The following NSD3 variants were observed in gnomAD, a reference collection of about 807,000 sequenced individuals.
The protein encoded by NSD3 is nuclear receptor binding SET domain protein 3, also known as histone-lysine N-methyltransferase NSD3.
Under a neutral mutation model 160.8 loss-of-function variants are expected in NSD3, and 24 were observed. The observed-to-expected ratio is 0.15, with a 90% CI of 0.11 to 0.21. The LOEUF (loss-of-function observed/expected upper bound fraction) is 0.21. NSD3 is among the 10% of genes least tolerant of loss of function. NSD3 has a pLI of 1.00. For synonymous variants in NSD3, 520 were observed against 600.0 expected, an observed-to-expected ratio of 0.87 and a Z score of 1.95; for missense variants, 1,157 against 1,735.9, an observed-to-expected ratio of 0.67 and a Z score of 5.93.
intron 2 of NSD3, among the ~76,000 whole-genome samples, chr8:38,342,203 G>A (rs2150380997): frequency 6.6e-6 from 1 of 152,318 alleles, no homozygotes; most frequent in East Asian, 1.9e-4. Context: ...AAGAATTCAA[G>A]TAAGGATGCT....
At chr8:38,357,591 A>T (rs974930887) in intron 1 of NSD3, among the ~76,000 whole-genome samples, 1 of 152,152 alleles carries the variant, frequency 6.6e-6, no homozygotes, top group African/African-American at 2.4e-5. Flanking sequence ...GTAGTCACTT[A>T]AGCTCTAAGT....
chr8:38,304,224 T>C (rs576969538), intron 14 of NSD3, among the ~76,000 whole-genome samples: 2 of 152,352 alleles, frequency 1.3e-5, no homozygotes, highest in South Asian at 4.1e-4. Flanking sequence ...AGTTCTGGTT[T>C]AAGATTATGA....
intron 12 of NSD3, among the ~76,000 whole-genome samples, chr8:38,312,062 G>A (rs1809547329): frequency 6.6e-6 from 1 of 152,038 alleles, no homozygotes; most frequent in Non-Finnish European, 1.5e-5. Context: ...TTTTTCCACT[G>A]ACTAGTCTTC....
chr8:38,286,096 T>C (rs1447048034), intron 19 of NSD3, among the ~76,000 whole-genome samples: 1 of 152,114 alleles, frequency 6.6e-6, no homozygotes, highest in African/African-American at 2.4e-5. Context: ...GGACCTGTGA[T>C]TAGCTTCTAA....
At position 38,316,547 on chromosome 8, in the gene NSD3, T is replaced by C; in HGVS notation, c.1856-505A>G. ...CCAAATTTTGCAATTCAGTTGATTA[T>C]TGCCCCCCAATAAAATTTGGATGTT... On this transcript the variant is annotated intron_variant, in intron 9 of 23. Coordinates refer to ENST00000317025, the MANE Select transcript of NSD3 (RefSeq NM_023034.2). This position sits in a 1 kb window ranked among gnomAD's most constrained non-coding sequence, Gnocchi z 4.5. The C allele has an allele frequency of 9.5e-7, 1 of 1,049,236 alleles. No homozygotes were observed. The highest frequency in any genetic ancestry group is 1.2e-6 in the Non-Finnish European group (1 of 869,058). 65.0% of individuals were successfully genotyped at this position (1,049,236 alleles called of 1,614,324 possible). A position where few individuals can be genotyped will look rare whatever the true frequency, so the allele number is the denominator to read the frequency against.
intron 15 of NSD3, 73 bp downstream of exon 15, chr8:38,299,371 T>G (rs1205782737): frequency 6.7e-7 from 1 of 1,498,424 alleles, no homozygotes. Context: ...GGCATACATT[T>G]CCCCCCTATA....
chr8:38,371,247 TTTAA>T (rs1811237752), intron 1 of NSD3, among the ~76,000 whole-genome samples: 1 of 152,134 alleles, frequency 6.6e-6, no homozygotes, highest in Non-Finnish European at 1.5e-5. Context: ...TTTAGATAAT[TTTAA>T]TTGTCTTTAT....
At chr8:38,326,110 T>C (rs1809905646) in intron 7 of NSD3, among the ~76,000 whole-genome samples, 2 of 151,266 alleles carry the variant, frequency 1.3e-5, no homozygotes, top group South Asian at 4.2e-4. Flanking sequence ...ATTGAGCCAC[T>C]GCACTCCAGC....
intron 5 of NSD3, among the ~76,000 whole-genome samples, chr8:38,330,955 G>T (rs1400687918): frequency 6.6e-6 from 1 of 152,076 alleles, no homozygotes; most frequent in East Asian, 1.9e-4. Context: ...CATACAGGTT[G>T]TTATGAATAA....
intron 20 of NSD3, among the ~76,000 whole-genome samples, chr8:38,280,875 C>T (rs563802414): frequency 1.3e-5 from 2 of 151,946 alleles, no homozygotes; most frequent in African/African-American, 4.8e-5. Context: ...GCCTCGGCCT[C>T]CTGAGGAGCT....
intron 1 of NSD3, among the ~76,000 whole-genome samples, chr8:38,377,185 C>T (rs1189976145): frequency 3.3e-5 from 5 of 151,940 alleles, no homozygotes; most frequent in Non-Finnish European, 7.4e-5. Context: ...CCGGAGTAGC[C>T]GGGATTACAG....
At chr8:38,306,710 G>A (rs545998321) in intron 12 of NSD3, among the ~76,000 whole-genome samples, 93 of 152,194 alleles carry the variant, frequency 6.1e-4, no homozygotes, top group African/African-American at 2.1e-3. Context: ...TGTAAAAGTG[G>A]GCAGAGGATG....
intron 2 of NSD3, among the ~76,000 whole-genome samples, chr8:38,339,246 A>C (rs766971375): frequency 1.3e-5 from 2 of 152,220 alleles, no homozygotes; most frequent in Non-Finnish European, 2.9e-5. Flanking sequence ...ATTACTAGTA[A>C]GATGTAACTT....
At chr8:38,336,796 A>G (rs1480320991) in intron 4 of NSD3, among the ~76,000 whole-genome samples, 2 of 152,218 alleles carry the variant, frequency 1.3e-5, no homozygotes, top group African/African-American at 2.4e-5. Flanking sequence ...TGCATTAGCC[A>G]TAGAAGCACT....
In NSD3 at chr8:38,270,232, G is replaced by GTGAT. The variant is rs1210613824; in HGVS notation, c.*5405_*5408dup. On this transcript the variant is annotated 3_prime_UTR_variant, in exon 24 of 24. Transcript: ENST00000317025. ...TTGTTATTAAAGACTCAAGTCTCAA[G>GTGAT]TGATTTAGGCAAAGTAATGGTTCAC... 2 of 152,182 alleles carry GTGAT rather than the reference G, an allele frequency of 1.3e-5. No individual in the cohort carries two copies. The highest frequency in any genetic ancestry group is 3.8e-4 in the East Asian group (2 of 5,200). The allele number at this position is 152,182 out of a possible 1,614,324, so 9.4% of individuals were successfully genotyped here.
At chr8:38,341,537 CAAAAAAAA>C (rs1311737092) in intron 2 of NSD3, among the ~76,000 whole-genome samples, 1 of 68,888 alleles carries the variant, frequency 1.5e-5, no homozygotes, top group Non-Finnish European at 3.0e-5. Flanking sequence ...GACTCCGTCT[CAAAAAAAA>C]AAAAAAAGAA....
At position 38,271,268 on chromosome 8, in the gene NSD3, T is replaced by C. The variant is rs1808467300; in HGVS notation, c.*4373A>G. On this transcript the variant is annotated 3_prime_UTR_variant, in exon 24 of 24. Coordinates refer to ENST00000317025, the MANE Select transcript of NSD3 (RefSeq NM_023034.2). ...AAACAGTTTACAAAACAATGCTTTC[T>C]ACTTCATAAATGTAAAAAGAAACTA... The C allele has an allele frequency of 6.6e-6, 1 of 152,184 alleles. No individual in the cohort carries two copies. Among genetic ancestry groups the C allele is most frequent in the Non-Finnish European group, 1.5e-5 (1 of 68,024 alleles). 9.4% of individuals were successfully genotyped at this position (152,184 alleles called of 1,614,324 possible).
intron 12 of NSD3, among the ~76,000 whole-genome samples, chr8:38,307,620 A>G (rs879283414): frequency 2.0e-5 from 3 of 152,216 alleles, no homozygotes; most frequent in African/African-American, 4.8e-5. Flanking sequence ...CTATGCAGCA[A>G]TTAAATAGAA....
chr8:38,313,651 G>A (rs1440726014), intron 12 of NSD3, among the ~76,000 whole-genome samples: 1 of 152,016 alleles, frequency 6.6e-6, no homozygotes, highest in Non-Finnish European at 1.5e-5. Context: ...AGCCAGGCGT[G>A]GTGGCAGGCA....
Sources: gnomAD v4.1 joint callset for allele counts (sites outside exome capture counted in the v4.1 genomes callset) on GRCh38, gnomAD v4.1.1 for gene constraint, Gnocchi (gnomAD v3.1) non-coding constraint, MANE v1.5 for transcripts, NCBI Gene and HGNC (gene_info 2026-07-23, HGNC 2026-07-21) for gene names.